Variants in MAP4K3 observed in about 807,000 individuals in gnomAD.
The protein encoded by MAP4K3 is MAPK/ERK kinase kinase kinase 3.
MAP4K3 carries 94 observed loss-of-function variants against 143.5 expected under a neutral mutation model. That is an observed-to-expected ratio of 0.65 (90% CI 0.55 to 0.78). MAP4K3 has a LOEUF of 0.78. MAP4K3 is among the 30% of genes least tolerant of loss of function. The pLI is 0.00. For synonymous variants in MAP4K3, 416 were observed against 347.2 expected (o/e 1.20, Z -2.20); for missense variants, 1,077 against 1,068.1 (o/e 1.01, Z -0.12).
chr2:39,397,922 A>AT (rs1451755595), intron 1 of MAP4K3, among the ~76,000 whole-genome samples: 3 of 152,210 alleles, frequency 2.0e-5, no homozygotes, highest in Non-Finnish European at 4.4e-5. Context: ...GCAAACAAAA[A>AT]ATATACAGTG....
At chr2:39,409,322 G>C (rs1667175542) in intron 1 of MAP4K3, among the ~76,000 whole-genome samples, 1 of 152,214 alleles carries the variant, frequency 6.6e-6, no homozygotes, top group Non-Finnish European at 1.5e-5. Context: ...TAGTGGTTAA[G>C]CTTTGGGGAA....
At chr2:39,353,724 A>AAGTAGT (rs531404312) in intron 3 of MAP4K3, among the ~76,000 whole-genome samples, 1 of 151,794 alleles carries the variant, frequency 6.6e-6, no homozygotes, top group Non-Finnish European at 1.5e-5. Flanking sequence ...AAAAGTTAAG[A>AAGTAGT]AGTAGTAGTA....
intron 15 of MAP4K3, among the ~76,000 whole-genome samples, chr2:39,302,457 TG>T (rs1558633763): frequency 6.6e-6 from 1 of 152,114 alleles, no homozygotes; most frequent in Non-Finnish European, 1.5e-5. Flanking sequence ...ATAGGGAAAA[TG>T]ACAAGAAATA....
intron 7 of MAP4K3, among the ~76,000 whole-genome samples, chr2:39,332,722 G>C (rs1018782261): frequency 6.6e-6 from 1 of 151,928 alleles, no homozygotes; most frequent in South Asian, 2.1e-4. Flanking sequence ...AAAAAGAACA[G>C]GACATATCTT....
rs114197643 is a variant in MAP4K3 at position 39,370,395 on chromosome 2, G to C, written c.154+7671C>G. Among the ~76,000 whole-genome samples, 1,050 of 152,234 alleles carry C rather than the reference G, an allele frequency of 6.9e-3. 10 individuals are homozygous for C. Among genetic ancestry groups the C allele is most frequent in the African/African-American group, 0.024 (1,001 of 41,530 alleles). On this transcript the variant is annotated intron_variant, in intron 2 of 33. Coordinates refer to ENST00000263881, the MANE Select transcript of MAP4K3 (RefSeq NM_003618.4). ...GCAAGGGATCCACAAAAACACTCAA[G>C]GGAGATGGGAAAAGGCACCAGATAA...
chr2:39,342,852 C>A (rs1227449724), intron 4 of MAP4K3, among the ~76,000 whole-genome samples: 1 of 151,938 alleles, frequency 6.6e-6, no homozygotes, highest in Non-Finnish European at 1.5e-5. Flanking sequence ...CAGTTTGTGA[C>A]AATAATCCAC....
chr2:39,400,514 C>A (rs578085283), intron 1 of MAP4K3, among the ~76,000 whole-genome samples: 1 of 150,934 alleles, frequency 6.6e-6, no homozygotes, highest in African/African-American at 2.4e-5. Context: ...TTTTATTGTT[C>A]CCCCCTCTCT....
At chr2:39,373,940 T>A (rs1428246292) in intron 2 of MAP4K3, among the ~76,000 whole-genome samples, 4 of 152,196 alleles carry the variant, frequency 2.6e-5, no homozygotes, top group South Asian at 2.1e-4. Flanking sequence ...TCATACATTT[T>A]AAAATAACTG....
chr2:39,313,687 A>T (rs1046945957), intron 13 of MAP4K3, among the ~76,000 whole-genome samples: 3 of 151,980 alleles, frequency 2.0e-5, no homozygotes, highest in African/African-American at 7.3e-5. Flanking sequence ...TAATTTTTGT[A>T]TTTTTAGCAG....
intron 1 of MAP4K3, among the ~76,000 whole-genome samples, 171 bp from the exon 2 acceptor site, chr2:39,378,294 T>C (rs765105894): frequency 7.9e-5 from 12 of 152,202 alleles, no homozygotes; most frequent in Admixed American, 7.2e-4. Context: ...ATTTCAACAT[T>C]TATGTATAAA....
intron 13 of MAP4K3, 30 bp from the exon 14 acceptor site, chr2:39,309,549 T>TTTTTA: frequency 5.4e-6 from 2 of 367,424 alleles, no homozygotes; most frequent in Non-Finnish European, 6.7e-6. Context: ...AAAACCAGGA[T>TTTTTA]TTTTTTTTTT....
intron 1 of MAP4K3, among the ~76,000 whole-genome samples, chr2:39,392,556 GAT>G (rs1470790930): frequency 6.6e-6 from 1 of 152,144 alleles, no homozygotes; most frequent in Admixed American, 6.5e-5. Context: ...AATACAAACT[GAT>G]ATATGTTTTA....
chr2:39,280,445 G>C (rs948250251), intron 22 of MAP4K3, 89 bp from the exon 23 acceptor site: 11 of 642,610 alleles, frequency 1.7e-5, no homozygotes, highest in East Asian at 3.0e-5. Flanking sequence ...TTTAATGTGA[G>C]AGTCTATAGA....
At chr2:39,335,024 T>C (rs1315571717) in intron 6 of MAP4K3, among the ~76,000 whole-genome samples, 1 of 152,028 alleles carries the variant, frequency 6.6e-6, no homozygotes, top group African/African-American at 2.4e-5. Flanking sequence ...AGGAGGAAAT[T>C]TGAAGACCTG....
At chr2:39,300,648 T>C (rs566497369) in intron 15 of MAP4K3, among the ~76,000 whole-genome samples, 1 of 152,358 alleles carries the variant, frequency 6.6e-6, no homozygotes, top group South Asian at 2.1e-4. Flanking sequence ...TACATTAGAA[T>C]ATAGCATATT....
rs1013100087 is a variant in MAP4K3 at position 39,375,132 on chromosome 2, G to A, written c.154+2934C>T. 4.6e-5 allele frequency among the ~76,000 whole-genome samples: 7 copies of A among 152,176 alleles called. No homozygotes were observed. The East Asian group carries it at 5.8e-4, about 13-fold the overall frequency. On this transcript the variant is annotated intron_variant, in intron 2 of 33. Transcript: ENST00000263881. ...AAATTAGCTGGGTGTCATGTCATAC[G>A]CCTGCAGTCCTAGCTACTTGGGAGA...
chr2:39,325,749 G>A lies in MAP4K3; in HGVS notation c.788C>T (p.Thr263Ile), dbSNP rs1387829544. 1 of 1,609,182 alleles carries A rather than the reference G, an allele frequency of 6.2e-7. No homozygotes were observed. The highest frequency in any genetic ancestry group is 8.5e-7 in the Non-Finnish European group (1 of 1,177,736). Residue 263 changes from threonine (T) to isoleucine (I), a missense_variant, in exon 11 of 34, where the codon ACT becomes ATT. Thr to Ile is a moderately conservative substitution (Grantham distance 89, BLOSUM62 -1). Around this residue, in one of 2 missense-constraint regions of MAP4K3, gnomAD observed 864 missense variants for 801.2 expected, o/e 1.08. Coordinates refer to ENST00000263881, the MANE Select transcript of MAP4K3 (RefSeq NM_003618.4). Reference protein sequence around the residue: ...ALTKNPKKRPTAEKLLQHPFV... With the variant: ...ALTKNPKKRPIAEKLLQHPFV... ...TAATACCTGTAATAATTTTTCAGCA[G>A]TAGGTCTTTTTTTCGGATTTTTGGT...
At chr2:39,390,349 T>G (rs972806025) in intron 1 of MAP4K3, among the ~76,000 whole-genome samples, 1 of 152,142 alleles carries the variant, frequency 6.6e-6, no homozygotes, top group Non-Finnish European at 1.5e-5. Context: ...CAACTCAGCA[T>G]GGAAATTAAA....
intron 28 of MAP4K3, among the ~76,000 whole-genome samples, chr2:39,264,855 C>CTGCA (rs1273728589): frequency 1.3e-5 from 2 of 152,204 alleles, no homozygotes; most frequent in Non-Finnish European, 2.9e-5. Context: ...CTAGGCCAAA[C>CTGCA]TGCAACCTGT....
Sources: allele counts gnomAD v4.1 joint callset (sites outside exome capture counted in the v4.1 genomes callset), GRCh38; gene constraint gnomAD v4.1.1; regional missense constraint gnomAD v4.1.1; transcripts MANE v1.5; gene names NCBI Gene and HGNC (gene_info 2026-07-23, HGNC 2026-07-21).